The following PLB1 variants were observed in gnomAD, a reference collection of about 807,000 sequenced individuals.
PLB1 encodes the protein phospholipase B1, also known as phospholipase B1, membrane-associated.
Under a neutral mutation model 227.4 loss-of-function variants are expected in PLB1, and 242 were observed. The observed-to-expected ratio is 1.06, with a 90% CI of 0.96 to 1.18. The LOEUF (loss-of-function observed/expected upper bound fraction) is 1.18. Ranked by LOEUF, PLB1 falls within the 50% of genes most tolerant of loss-of-function variation. The pLI is 0.00. For synonymous variants in PLB1, 757 were observed against 682.2 expected, an observed-to-expected ratio of 1.11 and a Z score of -1.71; for missense variants, 1,858 against 1,816.3, an observed-to-expected ratio of 1.02 and a Z score of -0.42.
At chr2:28,570,488 A>G (rs1328352000) in intron 20 of PLB1, among the ~76,000 whole-genome samples, 2 of 149,972 alleles carry the variant, frequency 1.3e-5, no homozygotes, top group African/African-American at 4.9e-5. Context: ...ACTTAATGAT[A>G]GAAACACTCA....
intron 52 of PLB1, 122 bp downstream of exon 52, chr2:28,628,750 G>T (rs964618565): frequency 1.0e-6 from 1 of 974,538 alleles, no homozygotes; most frequent in African/African-American, 1.6e-5. Flanking sequence ...CACCTGGATG[G>T]CAGGGAGGGA....
At chr2:28,499,498 T>C (rs1311755028) in intron 1 of PLB1, among the ~76,000 whole-genome samples, 1 of 151,764 alleles carries the variant, frequency 6.6e-6, no homozygotes, top group East Asian at 1.9e-4. Flanking sequence ...CTTATCTTAC[T>C]GTGCCGGCTG....
intron 56 of PLB1, among the ~76,000 whole-genome samples, chr2:28,636,033 G>A (rs2338550): frequency 0.25 from 36,958 of 149,768 alleles, 4,669 homozygotes; most frequent in East Asian, 0.33. Context: ...GTGTGTATGT[G>A]TGTGTGTGTA....
intron 9 of PLB1, among the ~76,000 whole-genome samples, chr2:28,536,440 A>G (rs1177703046): frequency 1.3e-5 from 2 of 152,234 alleles, no homozygotes; most frequent in South Asian, 2.1e-4. Context: ...AGCTGATTAC[A>G]AGAAAACAGA....
intron 23 of PLB1, among the ~76,000 whole-genome samples, chr2:28,580,559 C>A (rs577790070): frequency 1.8e-4 from 28 of 152,132 alleles, no homozygotes; most frequent in African/African-American, 6.3e-4. Flanking sequence ...TACAAAAATA[C>A]AAAAATTAGC....
At chr2:28,564,484 C>T (rs1239107464) in intron 18 of PLB1, among the ~76,000 whole-genome samples, 2 of 152,226 alleles carry the variant, frequency 1.3e-5, no homozygotes, top group Admixed American at 6.5e-5. Context: ...CACTGCTTAT[C>T]CCAACCTCTT....
At chr2:28,516,039 A>G (rs868452330) in intron 1 of PLB1, among the ~76,000 whole-genome samples, 1 of 152,238 alleles carries the variant, frequency 6.6e-6, no homozygotes, top group African/African-American at 2.4e-5. Context: ...GAGGCATAGC[A>G]TTGTGGGTGT....
rs946346803 is a variant in PLB1, at chr2:28,614,547, G to A, written c.3195+451G>A. On this transcript the variant is annotated intron_variant, in intron 44 of 57. Transcript: ENST00000327757. ...GGCCCCTAGGCCTTGTTTGGTTCAA[G>A]TCAATCATTCTAGTGCTGAGGATTC... is the stretch of plus-strand genomic sequence containing the variant. 2.0e-5 allele frequency among the ~76,000 whole-genome samples: 3 copies of A among 152,184 alleles called. No homozygotes were observed. In the South Asian group the frequency reaches 6.2e-4, roughly 32 times the overall value.
intron 26 of PLB1, among the ~76,000 whole-genome samples, chr2:28,588,332 A>T (rs1034134025): frequency 1.3e-5 from 2 of 152,160 alleles, no homozygotes; most frequent in South Asian, 4.1e-4. Flanking sequence ...GGGAAGCAGC[A>T]TGCTGGAAGT....
intron 30 of PLB1, among the ~76,000 whole-genome samples, chr2:28,591,389 A>G (rs897669624): frequency 1.3e-5 from 2 of 152,226 alleles, no homozygotes; most frequent in Non-Finnish European, 2.9e-5. Flanking sequence ...TCACTGCGAC[A>G]TAAGTGAAGA....
At chr2:28,631,659 A>G (rs770530022) in intron 54 of PLB1, among the ~76,000 whole-genome samples, 1 of 152,162 alleles carries the variant, frequency 6.6e-6, no homozygotes, top group African/African-American at 2.4e-5. Flanking sequence ...CCATGTTCTA[A>G]TTGACCTCTT....
intron 18 of PLB1, 91 bp downstream of exon 18, chr2:28,563,190 C>T (rs948956043): frequency 1.1e-5 from 14 of 1,310,884 alleles, no homozygotes; most frequent in Admixed American, 1.8e-5. Context: ...GAAGGTCTCA[C>T]GCCTGGCTCT....
chr2:28,612,975 A>G (rs1397313266), intron 43 of PLB1, among the ~76,000 whole-genome samples: 1 of 150,792 alleles, frequency 6.6e-6, no homozygotes, highest in African/African-American at 2.4e-5. Context: ...GCTGGAGTGC[A>G]CTGGCACAAT....
intron 6 of PLB1, among the ~76,000 whole-genome samples, chr2:28,526,989 A>T (rs902746143): frequency 6.6e-6 from 1 of 152,114 alleles, no homozygotes; most frequent in Non-Finnish European, 1.5e-5. Context: ...CCTTGGAGAG[A>T]ATCAAAGGGT....
At chr2:28,615,388 T>A (rs1303367061) in intron 44 of PLB1, among the ~76,000 whole-genome samples, 1 of 152,182 alleles carries the variant, frequency 6.6e-6, no homozygotes, top group Non-Finnish European at 1.5e-5. Flanking sequence ...CTGGTTCACG[T>A]CTTTCAAAGA....
Position 28,553,712 on chromosome 2 carries a change from C to T in PLB1, c.1147+721C>T, listed in dbSNP as rs1449632590. On this transcript the variant is annotated intron_variant, in intron 17 of 57. Transcript: ENST00000327757. ...CTTGGTCCTAAAGGGGGGGGACTCA[C>T]GTGTCCATTTATTTGTTCGTTTATT... 5.3e-5 allele frequency among the ~76,000 whole-genome samples: 8 copies of T among 152,132 alleles called. No individual in the cohort carries two copies. In the East Asian group the frequency reaches 7.7e-4, roughly 15 times the overall value.
At chr2:28,608,693 G>T (rs1685025345) in intron 43 of PLB1, among the ~76,000 whole-genome samples, 1 of 152,156 alleles carries the variant, frequency 6.6e-6, no homozygotes, top group African/African-American at 2.4e-5. Context: ...TGAACACCTG[G>T]TCCTTTTCTT....
chr2:28,566,664 T>G, intron 19 of PLB1, 132 bp from the exon 20 acceptor site: 1 of 946,750 alleles, frequency 1.1e-6, no homozygotes. Flanking sequence ...TCTACTGAAG[T>G]GATGGGGAAA....
intron 4 of PLB1, among the ~76,000 whole-genome samples, chr2:28,520,511 A>G (rs1302030050): frequency 6.6e-6 from 1 of 152,206 alleles, no homozygotes; most frequent in Non-Finnish European, 1.5e-5. Context: ...ATAGTTCACT[A>G]GTGTTAAATA....
Sources: gnomAD v4.1 joint callset for allele counts (sites outside exome capture counted in the v4.1 genomes callset) on GRCh38, gnomAD v4.1.1 for gene constraint, MANE v1.5 for transcripts, NCBI Gene and HGNC (gene_info 2026-07-23, HGNC 2026-07-21) for gene names.